LGSN: variants seen among roughly 807,000 people sequenced by gnomAD.
LGSN encodes the protein lengsin.
A neutral mutation model predicts 19.5 loss-of-function variants in LGSN; 21 were observed. The observed-to-expected ratio is 1.07, with a 90% CI of 0.76 to 1.55. The LOEUF is 1.55. Ranked by LOEUF, LGSN falls within the 40% of genes most tolerant of loss-of-function variation. The pLI is 0.00. For synonymous variants in LGSN, 257 were observed against 215.6 expected, an observed-to-expected ratio of 1.19 and a Z score of -1.68; for missense variants, 673 against 608.5, an observed-to-expected ratio of 1.11 and a Z score of -1.12.
the LGSN span, among the ~76,000 whole-genome samples, chr6:63,489,383 T>C: frequency 2.0e-5 from 3 of 152,216 alleles, no homozygotes; most frequent in Non-Finnish European, 2.9e-5. Context: ...TTATTTATTC[T>C]TTGGAGACAG....
the LGSN span, among the ~76,000 whole-genome samples, chr6:63,448,452 C>A: frequency 6.6e-6 from 1 of 152,032 alleles, no homozygotes; most frequent in South Asian, 2.1e-4. Flanking sequence ...CTTTCTAGGG[C>A]ATTTCAAACG....
the LGSN span, among the ~76,000 whole-genome samples, chr6:63,342,204 C>T: frequency 6.6e-6 from 1 of 152,162 alleles, no homozygotes; most frequent in African/African-American, 2.4e-5. Flanking sequence ...TTCCAAGCTC[C>T]CTGATGACTC....
chr6:63,511,937 C>T, the LGSN span, among the ~76,000 whole-genome samples: 1 of 152,048 alleles, frequency 6.6e-6, no homozygotes, highest in South Asian at 2.1e-4. Flanking sequence ...AATTCCCTAG[C>T]AAGCAGATGC....
chr6:63,350,352 T>A, the LGSN span, among the ~76,000 whole-genome samples: 1 of 152,366 alleles, frequency 6.6e-6, no homozygotes, highest in African/African-American at 2.4e-5. Context: ...TACAAAGGAC[T>A]TCACAAACTG....
In LGSN at chr6:63,299,478, G is replaced by A. The variant is rs563708448; in HGVS notation, c.31-4433C>T. Among the ~76,000 whole-genome samples, 4 of 152,258 alleles carry A rather than the reference G, an allele frequency of 2.6e-5. No individual in the cohort carries two copies. The East Asian group carries it at 7.7e-4, about 29-fold the overall frequency. ...TTTAGGTCTAAAGTCTCAGCTGTAT[G>A]CATTTGAGAGATAAAATTTCTACCT... On this transcript the variant is annotated intron_variant, in intron 1 of 3. Coordinates refer to ENST00000370657, the MANE Select transcript of LGSN (RefSeq NM_016571.3).
At chr6:63,419,880 CAAAAAAAAAAAAAAAAAAAAAAAAAAAA>C in the LGSN span, among the ~76,000 whole-genome samples, 203 of 57,340 alleles carry the variant, frequency 3.5e-3, 3 homozygotes, top group Non-Finnish European at 4.7e-3. Context: ...AACTCCCTCC[CAAAAAAAAAAAAAAAAAAAAAAAAAAAA>C]AAAAAAAAAA....
At chr6:63,450,345 AGT>A in the LGSN span, among the ~76,000 whole-genome samples, 28 of 151,836 alleles carry the variant, frequency 1.8e-4, no homozygotes, top group African/African-American at 6.7e-4. Flanking sequence ...TGGGCGACAG[AGT>A]GAGACTCCAT....
the LGSN span, among the ~76,000 whole-genome samples, chr6:63,443,002 G>A: frequency 4.6e-5 from 7 of 152,208 alleles, no homozygotes; most frequent in East Asian, 3.9e-4. Flanking sequence ...AGCAGGCGGC[G>A]GTGCCCGTCA....
the LGSN span, among the ~76,000 whole-genome samples, chr6:63,427,045 C>CCT: frequency 2.8e-5 from 4 of 141,570 alleles, no homozygotes; most frequent in African/African-American, 1.0e-4. Context: ...AGACCTTTCC[C>CCT]TTTTTTTTTT....
the LGSN span, among the ~76,000 whole-genome samples, chr6:63,554,909 G>C: frequency 6.6e-6 from 1 of 152,178 alleles, no homozygotes; most frequent in African/African-American, 2.4e-5. Context: ...GTGTATAGTA[G>C]ATTTTCACAG....
the LGSN span, among the ~76,000 whole-genome samples, chr6:63,469,878 G>A: frequency 8.6e-5 from 13 of 151,964 alleles, no homozygotes; most frequent in Admixed American, 4.6e-4. Context: ...CACCACACCC[G>A]GCTAATTTTG....
chr6:63,338,992 T>C, the LGSN span, among the ~76,000 whole-genome samples: 1 of 152,166 alleles, frequency 6.6e-6, no homozygotes, highest in Non-Finnish European at 1.5e-5. Flanking sequence ...TCAAAGTTCC[T>C]CTTGTTATTC....
the LGSN span, among the ~76,000 whole-genome samples, chr6:63,544,291 C>T: frequency 6.6e-6 from 1 of 152,182 alleles, no homozygotes; most frequent in Non-Finnish European, 1.5e-5. Flanking sequence ...ATTTTAACAT[C>T]TTGCCAACAT....
At chr6:63,432,298 G>A in the LGSN span, among the ~76,000 whole-genome samples, 1 of 152,100 alleles carries the variant, frequency 6.6e-6, no homozygotes, top group African/African-American at 2.4e-5. Context: ...AACCTCAAAA[G>A]TTACCTGCAA....
chr6:63,572,197 C>T, the LGSN span: 1 of 156,270 alleles, frequency 6.4e-6, no homozygotes, highest in East Asian at 1.9e-4. Flanking sequence ...GTCGATAAAT[C>T]GGAATCTCTC....
At chr6:63,459,983 G>A in the LGSN span, among the ~76,000 whole-genome samples, 8 of 151,442 alleles carry the variant, frequency 5.3e-5, no homozygotes, top group African/African-American at 9.7e-5. Context: ...CCAACTTCAC[G>A]TGCTCCATGT....
the LGSN span, among the ~76,000 whole-genome samples, chr6:63,497,011 T>C: frequency 6.6e-6 from 1 of 152,046 alleles, no homozygotes; most frequent in Admixed American, 6.6e-5. Flanking sequence ...TTATTTTTAT[T>C]TTTTAGTGAT....
the LGSN span, among the ~76,000 whole-genome samples, chr6:63,357,264 G>A: frequency 7.2e-5 from 11 of 152,022 alleles, no homozygotes; most frequent in Non-Finnish European, 1.5e-4. Context: ...CCAAGACTTT[G>A]CTATTGTGAA....
the LGSN span, among the ~76,000 whole-genome samples, chr6:63,433,761 G>A: frequency 6.6e-6 from 1 of 152,300 alleles, no homozygotes; most frequent in Admixed American, 6.5e-5. Context: ...GTATTCATGT[G>A]TTGATGGCCA....
Sources: gnomAD v4.1 joint callset for allele counts (sites outside exome capture counted in the v4.1 genomes callset) on GRCh38, gnomAD v4.1.1 for gene constraint, MANE v1.5 for transcripts, NCBI Gene and HGNC (gene_info 2026-07-23, HGNC 2026-07-21) for gene names.